Variants in HEMK2 observed in about 807,000 individuals in gnomAD.
HEMK2 encodes methyltransferase HEMK2.
chr21:28,767,752 G>T, the HEMK2 span, among the ~76,000 whole-genome samples: 1 of 152,020 alleles, frequency 6.6e-6, no homozygotes, highest in African/African-American at 2.4e-5. Flanking sequence ...GGGGTAGGCG[G>T]TAGTTGGTGT....
At chr21:28,586,133 T>C in the HEMK2 span, among the ~76,000 whole-genome samples, 3 of 152,214 alleles carry the variant, frequency 2.0e-5, no homozygotes, top group East Asian at 1.9e-4. Context: ...GCAATAAGCA[T>C]CTTTGCGATG....
At chr21:28,808,495 A>C in the HEMK2 span, among the ~76,000 whole-genome samples, 2 of 151,536 alleles carry the variant, frequency 1.3e-5, no homozygotes, top group South Asian at 4.2e-4. Context: ...ACATCTCAAC[A>C]ATATTGAATG....
the HEMK2 span, among the ~76,000 whole-genome samples, chr21:28,694,954 G>C: frequency 1 from 151,222 of 151,240 alleles, 75,602 homozygotes; most frequent in Middle Eastern, 1. Flanking sequence ...GCCGAGATGG[G>C]GTCACTGCAC....
the HEMK2 span, among the ~76,000 whole-genome samples, chr21:28,695,148 T>C: frequency 6.6e-6 from 1 of 152,198 alleles, no homozygotes; most frequent in Non-Finnish European, 1.5e-5. Flanking sequence ...TGCTTAATAT[T>C]TTTTTCTAAA....
At chr21:28,657,172 GA>G in the HEMK2 span, among the ~76,000 whole-genome samples, 1 of 151,996 alleles carries the variant, frequency 6.6e-6, no homozygotes, top group Non-Finnish European at 1.5e-5. Flanking sequence ...AACATCAGCT[GA>G]AATTTCCTAA....
chr21:28,824,146 G>A, the HEMK2 span, among the ~76,000 whole-genome samples: 2 of 152,208 alleles, frequency 1.3e-5, no homozygotes, highest in South Asian at 2.1e-4. Context: ...TACCACAGCA[G>A]ACCAATTAAA....
At chr21:28,837,344 C>T in the HEMK2 span, among the ~76,000 whole-genome samples, 1 of 152,138 alleles carries the variant, frequency 6.6e-6, no homozygotes, top group Non-Finnish European at 1.5e-5. Context: ...ATATCAAGCA[C>T]TCTCTCAGAC....
the HEMK2 span, among the ~76,000 whole-genome samples, chr21:28,751,675 T>TTTTG: frequency 1.3e-5 from 2 of 152,180 alleles, no homozygotes; most frequent in African/African-American, 2.4e-5. Context: ...AGCAAAAGTT[T>TTTTG]TTTGTTTGTT....
the HEMK2 span, among the ~76,000 whole-genome samples, chr21:28,719,477 C>T: frequency 9.2e-5 from 14 of 152,180 alleles, no homozygotes; most frequent in Non-Finnish European, 1.8e-4. Context: ...CCATATAAAA[C>T]GTGCCTTTGC....
the HEMK2 span, among the ~76,000 whole-genome samples, chr21:28,691,576 C>G: frequency 3.4e-3 from 512 of 152,214 alleles, 7 homozygotes; most frequent in African/African-American, 0.012. Context: ...GCCCCCGAGC[C>G]TGCAATCAGC....
the HEMK2 span, among the ~76,000 whole-genome samples, chr21:28,641,254 G>A: frequency 8.6e-5 from 13 of 152,016 alleles, no homozygotes; most frequent in South Asian, 2.1e-4. Flanking sequence ...TTCATATTTC[G>A]GATCCATAAA....
the HEMK2 span, among the ~76,000 whole-genome samples, chr21:28,794,189 T>C: frequency 6.6e-6 from 1 of 152,208 alleles, no homozygotes; most frequent in Non-Finnish European, 1.5e-5. Context: ...TACAATATTA[T>C]AGGATGGTAT....
chr21:28,740,427 G>T, the HEMK2 span, among the ~76,000 whole-genome samples: 1 of 152,280 alleles, frequency 6.6e-6, no homozygotes, highest in South Asian at 2.1e-4. Context: ...AAAACCTGAG[G>T]GCCAACTGCA....
chr21:28,831,204 G>T, the HEMK2 span, among the ~76,000 whole-genome samples: 1 of 151,918 alleles, frequency 6.6e-6, no homozygotes, highest in Non-Finnish European at 1.5e-5. Flanking sequence ...CAGCACTTTG[G>T]GAGGCCGAGG....
At chr21:28,822,201 C>A in the HEMK2 span, among the ~76,000 whole-genome samples, 5 of 152,274 alleles carry the variant, frequency 3.3e-5, no homozygotes, top group East Asian at 5.8e-4. Context: ...AGTTTAGAAG[C>A]ACTCAGGGAG....
At chr21:28,680,297 C>T in the HEMK2 span, among the ~76,000 whole-genome samples, 1 of 152,152 alleles carries the variant, frequency 6.6e-6, no homozygotes, top group Non-Finnish European at 1.5e-5. Flanking sequence ...ATTAGAAAGT[C>T]TAGAAGAAAT....
chr21:28,863,209 G>A, the HEMK2 span, among the ~76,000 whole-genome samples: 1 of 151,624 alleles, frequency 6.6e-6, no homozygotes, highest in African/African-American at 2.4e-5. Flanking sequence ...AATATAAGCA[G>A]GCAGAAAAAT....
the HEMK2 span, among the ~76,000 whole-genome samples, chr21:28,762,098 A>G: frequency 2.0e-5 from 3 of 152,150 alleles, no homozygotes; most frequent in African/African-American, 4.8e-5. Context: ...TCCCTAAGAA[A>G]AGACGTTGCC....
chr21:28,768,034 T>C, the HEMK2 span, among the ~76,000 whole-genome samples: 1 of 152,078 alleles, frequency 6.6e-6, no homozygotes. Flanking sequence ...GAGCAAGGAA[T>C]CAGGGTGTCG....
Sources: gnomAD v4.1 joint callset for allele counts (sites outside exome capture counted in the v4.1 genomes callset) on GRCh38, gnomAD v4.1.1 for gene constraint, MANE v1.5 for transcripts, NCBI Gene and HGNC (gene_info 2026-07-23, HGNC 2026-07-21) for gene names.